Variants in SPATC1 observed in about 807,000 individuals in gnomAD.
The protein encoded by SPATC1 is speriolin.
A neutral mutation model predicts 36.5 loss-of-function variants in SPATC1; 35 were observed. That is an observed-to-expected ratio of 0.96 (90% confidence interval 0.73 to 1.27). The LOEUF (loss-of-function observed/expected upper bound fraction) is 1.27, where lower values mean the gene tolerates loss of function less well. SPATC1 is among the 50% of genes most tolerant of loss of function. The probability of loss-of-function intolerance (pLI) is 0.00; values close to 1 mark genes in which losing one functional copy is unlikely to be tolerated. For missense variants in SPATC1, 779 were observed against 796.0 expected, an observed-to-expected ratio of 0.98 and a Z score of 0.26; for synonymous variants, 361 against 353.6, an observed-to-expected ratio of 1.02 and a Z score of -0.24.
rs782546514 is a variant in SPATC1, at chr8:144,039,904, C to T, written c.212-5C>T. 6.8e-6 allele frequency: 11 copies of T among 1,610,474 alleles called. No homozygotes were observed. The highest frequency in any genetic ancestry group is 9.3e-6 in the Non-Finnish European group (11 of 1,177,954). On this transcript the variant is annotated splice_region_variant and splice_polypyrimidine_tract_variant and intron_variant, in intron 1 of 4. Coordinates refer to ENST00000377470, the MANE Select transcript of SPATC1 (RefSeq NM_198572.3). ...GGGGTCTCAGTGCTTTCTCTGTGTT[C>T]CCAGGTGTCTTCCTGCCCCCGTCCC...
At chr8:144,042,311 A>ATATATATATATATTTTTTTTTTTT (rs1412021347) in intron 4 of SPATC1, among the ~76,000 whole-genome samples, 1 of 23,882 alleles carries the variant, frequency 4.2e-5, no homozygotes, top group African/African-American at 2.4e-4. Context: ...ATATATATAT[A>ATATATATATATATTTTTTTTTTTT]TTTTTTTTTT....
Position 144,046,785 on chromosome 8 carries a change from G to A in SPATC1, c.1605G>A (p.Leu535=). 6.2e-7 allele frequency: 1 copy of A among 1,609,406 alleles called. No individual in the cohort carries two copies. The highest frequency in any genetic ancestry group is 1.3e-5 in the African/African-American group (1 of 75,066). ...AGCTGGTGAACGCTTATGGCATCCT[G>A]CGAGAGCGCCCGGAGCTGGCGGCGT... is the stretch of plus-strand genomic sequence containing the variant. ...TEQLVNAYGI[L]RERPELAASE... Residue 535 remains leucine (L), a synonymous_variant, in exon 5 of 5, where the codon CTG becomes CTA. Transcript: ENST00000377470. The surrounding 1 kb of genome is among the most constrained non-coding windows in gnomAD (Gnocchi z 6.6).
chr8:144,012,382 A>T lies in SPATC1; in HGVS notation c.-134A>T. ...GGAAGAGGGCACAGCCTCTGACCTC[A>T]CAATACCCAGGGCCCACTGGGCCAG... is the stretch of plus-strand genomic sequence containing the variant. On this transcript the variant is annotated 5_prime_UTR_variant, in exon 1 of 5. Transcript: ENST00000377470. The T allele has an allele frequency of 1.4e-6, 1 of 707,640 alleles. No homozygotes were observed. The highest frequency in any genetic ancestry group is 2.4e-6 in the Non-Finnish European group (1 of 414,518). The allele number at this position is 707,640 out of a possible 1,614,324, so 43.8% of individuals were successfully genotyped here. A position where few individuals can be genotyped will look rare whatever the true frequency, so the allele number is the denominator to read the frequency against.
chr8:144,040,101 G>A lies in SPATC1; in HGVS notation c.404G>A (p.Ser135Asn). Residue 135 changes from serine to asparagine, a missense_variant, in exon 2 of 5, where the codon AGC becomes AAC. By Grantham distance (46) the Ser-to-Asn change is conservative. Coordinates refer to ENST00000377470, the MANE Select transcript of SPATC1 (RefSeq NM_198572.3). The part of the protein sequence containing the change: ...LSGPAPTSQS[S>N]PLTSFLTSPI... ...GGCCCAGCACCCACGTCACAGAGCA[G>A]CCCCCTCACCAGCTTCCTGACCAGT... 1 of 1,611,340 alleles carries A rather than the reference G, an allele frequency of 6.2e-7. No individual in the cohort carries two copies. Among genetic ancestry groups the A allele is most frequent in the African/African-American group, 1.3e-5 (1 of 75,006 alleles).
At chr8:144,035,663 C>T (rs903626748) in intron 1 of SPATC1, among the ~76,000 whole-genome samples, 2 of 152,252 alleles carry the variant, frequency 1.3e-5, no homozygotes, top group African/African-American at 4.8e-5. Context: ...CAGTGCTGTG[C>T]CCTCTCTCAG....
At chr8:144,043,685 ATTT>A (rs527881198) in intron 4 of SPATC1, among the ~76,000 whole-genome samples, 11 of 129,918 alleles carry the variant, frequency 8.5e-5, no homozygotes, top group Non-Finnish European at 5.0e-5. Flanking sequence ...TATGGACTAC[ATTT>A]TTTTTTTTTT....
intron 1 of SPATC1, among the ~76,000 whole-genome samples, chr8:144,015,990 A>G (rs1197603360): frequency 6.7e-6 from 1 of 150,268 alleles, no homozygotes; most frequent in Non-Finnish European, 1.5e-5. Context: ...TGAACCCGGG[A>G]GGCGGAGCTT....
rs782326246 is a variant in SPATC1, at chr8:144,041,072, A to G, written c.1271A>G (p.His424Arg). Residue 424 changes from histidine (H) to arginine (R), a missense_variant, in exon 3 of 5, where the codon CAC (histidine) becomes CGC (arginine). His to Arg is a conservative substitution (Grantham distance 29). Transcript: ENST00000377470. ...SMMEVERKLA[H>R]RKTSKFPENP... is the part of the protein sequence containing the mutation. ...ATGGAGGTGGAACGGAAGCTGGCCC[A>G]CCGCAAGACCAGCAAGTTCCCCGAG... The G allele has an allele frequency of 1.3e-6, 2 of 1,591,526 alleles. No individual in the cohort carries two copies. The highest frequency in any genetic ancestry group is 2.2e-5 in the East Asian group (1 of 44,600).
chr8:144,035,094 G>C (rs1407203723), intron 1 of SPATC1, among the ~76,000 whole-genome samples: 1 of 143,910 alleles, frequency 6.9e-6, no homozygotes, highest in African/African-American at 2.9e-5. Flanking sequence ...TCCGTGGTTT[G>C]TTGTGCCAAG....
chr8:144,015,206 A>ATTT (rs202062443), intron 1 of SPATC1, among the ~76,000 whole-genome samples: 4,543 of 141,380 alleles, frequency 0.032, 270 homozygotes, highest in African/African-American at 0.11. Context: ...CTCCTGGCTA[A>ATTT]TTTTTTTTTT....
chr8:144,016,456 T>C lies in SPATC1; in HGVS notation c.211+3730T>C, dbSNP rs1554753263. Among the ~76,000 whole-genome samples, 2 of 151,658 alleles carry C rather than the reference T, an allele frequency of 1.3e-5. No individual in the cohort carries two copies. Among genetic ancestry groups the C allele is most frequent in the Admixed American group, 6.6e-5 (1 of 15,194 alleles). On this transcript the variant is annotated intron_variant, in intron 1 of 4. Transcript: ENST00000377470. This position sits in a 1 kb window ranked among gnomAD's most constrained non-coding sequence, Gnocchi z 4.5. ...GCGTATGTCTGATTGTGTGAGTGTA[T>C]ATGGTGTGTGTGTGGTGTGTTCATG...
intron 1 of SPATC1, among the ~76,000 whole-genome samples, chr8:144,038,534 G>A (rs782150225): frequency 6.6e-6 from 1 of 151,864 alleles, no homozygotes. Context: ...CACGATCACA[G>A]TGCAATCATA....
rs1554756689 is a variant in SPATC1 at position 144,046,006 on chromosome 8, G to T, written c.1447-621G>T. Among the ~76,000 whole-genome samples the T allele has an allele frequency of 6.6e-6, 1 of 152,184 alleles. No homozygotes were observed. The highest frequency in any genetic ancestry group is 6.5e-5 in the Admixed American group (1 of 15,288). On this transcript the variant is annotated intron_variant, in intron 4 of 4. Transcript: ENST00000377470. This position sits in a 1 kb window ranked among gnomAD's most constrained non-coding sequence, Gnocchi z 6.6. ...CCAGATGTGCTGGTTCCCAGGCCCT[G>T]GCCCTGGCCCCAGGCCCAGGAGGAC...
chr8:144,026,987 C>CTTTTTTTTTTTTTTTTT (rs1169014232), intron 1 of SPATC1, among the ~76,000 whole-genome samples: 7 of 114,304 alleles, frequency 6.1e-5, no homozygotes, highest in South Asian at 2.9e-4. Context: ...TTTTTTTTTT[C>CTTTTTTTTTTTTTTTTT]TTTTTTTTTT....
Position 144,040,658 on chromosome 8 carries a change from CT to C in SPATC1, c.858del (p.Ile287SerfsTer129). Reference sequence around the variant, plus strand: ...GGAGCACCCCTCCAGACCTCCACCCCTATCGGAGCCATGGGCACACCTGCTC... The same window carrying C: ...GGAGCACCCCTCCAGACCTCCACCCCATCGGAGCCATGGGCACACCTGCTC... ...FAGAPLQTST[P>X]IGAMGTPAPK... is the part of the protein sequence containing the mutation. On this transcript the variant is annotated frameshift_variant, in exon 3 of 5. Coordinates refer to ENST00000377470, the MANE Select transcript of SPATC1 (RefSeq NM_198572.3). LOFTEE classifies it high-confidence loss of function. 6.2e-7 allele frequency: 1 copy of C among 1,613,812 alleles called. No individual in the cohort carries two copies. Among genetic ancestry groups the C allele is most frequent in the Non-Finnish European group, 8.5e-7 (1 of 1,179,938 alleles).
intron 1 of SPATC1, among the ~76,000 whole-genome samples, chr8:144,036,182 G>T (rs1301382511): frequency 2.0e-5 from 3 of 152,194 alleles, no homozygotes; most frequent in Non-Finnish European, 2.9e-5. Flanking sequence ...AGCTGAGGCA[G>T]GAGGATTGCT....
intron 1 of SPATC1, among the ~76,000 whole-genome samples, chr8:144,029,743 T>G (rs919846414): frequency 1.2e-4 from 18 of 152,208 alleles, no homozygotes; most frequent in Admixed American, 6.5e-4. Context: ...TCCTGGAGAA[T>G]GTTTCATGTT....
At position 144,012,364 on chromosome 8, in the gene SPATC1, G is replaced by T. The variant is rs919611918; in HGVS notation, c.-152G>T. On this transcript the variant is annotated 5_prime_UTR_variant, in exon 1 of 5. Coordinates refer to ENST00000377470, the MANE Select transcript of SPATC1 (RefSeq NM_198572.3). ...TTAGAGCAGAGAGGGCAAGGAAGAG[G>T]GCACAGCCTCTGACCTCACAATACC... 2 of 647,424 alleles carry T rather than the reference G, an allele frequency of 3.1e-6. No homozygotes were observed. Among genetic ancestry groups the T allele is most frequent in the Non-Finnish European group, 2.7e-6 (1 of 366,986 alleles). The allele number at this position is 647,424 out of a possible 1,614,324, so 40.1% of individuals were successfully genotyped here. A position where few individuals can be genotyped will look rare whatever the true frequency, so the allele number is the denominator to read the frequency against.
chr8:144,046,767 G>A lies in SPATC1; in HGVS notation c.1587G>A (p.Val529=). Residue 529 remains valine (V), a synonymous_variant, in exon 5 of 5, where the codon GTG becomes GTA. Coordinates refer to ENST00000377470, the MANE Select transcript of SPATC1 (RefSeq NM_198572.3). The surrounding 1 kb of genome is among the most constrained non-coding windows in gnomAD (Gnocchi z 6.6). ...RVHPALTEQL[V]NAYGILRERP... is the part of the protein sequence containing the mutation. ...ACCCTGCGCTGACCGAGCAGCTGGTGAACGCTTATGGCATCCTGCGAGAGC... is the reference window on the plus strand; with the variant it reads ...ACCCTGCGCTGACCGAGCAGCTGGTAAACGCTTATGGCATCCTGCGAGAGC... 6.2e-7 allele frequency: 1 copy of A among 1,611,230 alleles called. No individual in the cohort carries two copies. Among genetic ancestry groups the A allele is most frequent in the East Asian group, 2.2e-5 (1 of 44,884 alleles).
Sources: gnomAD v4.1 joint callset for allele counts (sites outside exome capture counted in the v4.1 genomes callset) on GRCh38, gnomAD v4.1.1 for gene constraint, Gnocchi (gnomAD v3.1) non-coding constraint, MANE v1.5 for transcripts, NCBI Gene and HGNC (gene_info 2026-07-23, HGNC 2026-07-21) for gene names.